The following RPRD2 variants were observed in gnomAD, a reference collection of about 807,000 sequenced individuals.
RPRD2 encodes regulation of nuclear pre-mRNA domain containing 2.
In RPRD2, 12 loss-of-function variants were observed where a neutral mutation model predicts 104.4. The observed-to-expected ratio is 0.11, with a 90% CI of 0.07 to 0.19. The LOEUF is 0.19. Among genes scored for constraint, RPRD2 ranks in the 10% least tolerant of loss-of-function variants. The pLI is 1.00. For missense variants in RPRD2, 1,543 were observed against 1,790.1 expected, an observed-to-expected ratio of 0.86 and a Z score of 2.49; for synonymous variants, 714 against 684.9, an observed-to-expected ratio of 1.04 and a Z score of -0.66.
intron 7 of RPRD2, among the ~76,000 whole-genome samples, chr1:150,450,352 A>C (rs1186880949): frequency 3.3e-5 from 5 of 151,970 alleles, no homozygotes; most frequent in Non-Finnish European, 5.9e-5. Context: ...CACGCCTGTA[A>C]TCCCAGCACT....
At chr1:150,396,987 T>G (rs1662580054) in intron 1 of RPRD2, among the ~76,000 whole-genome samples, 1 of 152,156 alleles carries the variant, frequency 6.6e-6, no homozygotes, top group Non-Finnish European at 1.5e-5. Flanking sequence ...TTTATTTTTA[T>G]TTTTGAGACA....
In RPRD2 at chr1:150,440,020, G is replaced by A. The variant is rs75270560; in HGVS notation, c.336-903G>A. Among the ~76,000 whole-genome samples the A allele has an allele frequency of 2.3e-3, 355 of 151,886 alleles. 2 individuals are homozygous for A. The highest frequency in any genetic ancestry group is 8.1e-3 in the African/African-American group (335 of 41,402). On this transcript the variant is annotated intron_variant, in intron 2 of 10. Coordinates refer to ENST00000369068, the MANE Select transcript of RPRD2 (RefSeq NM_015203.5). ...GCTCTGTGGCCCAGGCTGGGTTGCA[G>A]TGTTGTGATCACCAGTCAGTACAGT...
At chr1:150,407,034 G>A (rs1308920132) in intron 1 of RPRD2, among the ~76,000 whole-genome samples, 4 of 152,242 alleles carry the variant, frequency 2.6e-5, no homozygotes, top group South Asian at 4.1e-4. Context: ...TTGTAAGTTC[G>A]AATATGGTAT....
intron 1 of RPRD2, among the ~76,000 whole-genome samples, chr1:150,387,072 G>A (rs1167587926): frequency 3.3e-5 from 5 of 152,132 alleles, no homozygotes; most frequent in Admixed American, 1.3e-4. Context: ...ATGCATTCAT[G>A]ACATACCTAA....
At chr1:150,406,327 G>C (rs1333388458) in intron 1 of RPRD2, among the ~76,000 whole-genome samples, 1 of 152,186 alleles carries the variant, frequency 6.6e-6, no homozygotes, top group East Asian at 1.9e-4. Flanking sequence ...AGGGACTACT[G>C]TAATTGCCTT....
chr1:150,393,646 A>G (rs988203889), intron 1 of RPRD2, among the ~76,000 whole-genome samples: 5 of 152,114 alleles, frequency 3.3e-5, no homozygotes, highest in Non-Finnish European at 7.4e-5. Context: ...ATTTGGCATC[A>G]ATAGTAGTGG....
At chr1:150,365,012 A>G (rs1553876952) in intron 1 of RPRD2, 93 bp downstream of exon 1, 1 of 1,326,866 alleles carries the variant, frequency 7.5e-7, no homozygotes, top group Non-Finnish European at 1.0e-6. Context: ...GAGCCGCAGC[A>G]TTTGGTTGGG....
Position 150,471,012 on chromosome 1 carries a change from C to T in RPRD2, c.2064C>T (p.Asn688=), listed in dbSNP as rs1298484701. 5.6e-6 allele frequency: 9 copies of T among 1,613,922 alleles called. No homozygotes were observed. The highest frequency in any genetic ancestry group is 7.6e-6 in the Non-Finnish European group (9 of 1,179,908). ...GNPGFSGLNL[N]IPILSSLGSS... ...CTGGTTTCAGTGGCTTAAACTTAAA[C>T]ATCCCAATCCTGAGCAGTTTGGGGT... Residue 688 remains asparagine, a synonymous_variant, in exon 11 of 11, where the codon AAC becomes AAT. Transcript: ENST00000369068. This position sits in a 1 kb window ranked among gnomAD's most constrained non-coding sequence, Gnocchi z 5.3.
In RPRD2 at chr1:150,471,767, C is replaced by T; in HGVS notation, c.2819C>T (p.Pro940Leu). 6.2e-7 allele frequency: 1 copy of T among 1,613,936 alleles called. No individual in the cohort carries two copies. Among genetic ancestry groups the T allele is most frequent in the African/African-American group, 1.3e-5 (1 of 75,028 alleles). The change falls in exon 11 of 11, where the codon CCT becomes CTT. Residue 940 changes from proline (P) to leucine (L), a missense_variant. By Grantham distance (98) the Pro-to-Leu change is moderately conservative (BLOSUM62 -3). Transcript: ENST00000369068. This position sits in a 1 kb window ranked among gnomAD's most constrained non-coding sequence, Gnocchi z 5.3. ...AGTAAGAATGATTCATTTTTCACCC[C>T]TGACTCCAACCACAATAGCTTGTCT... is the stretch of plus-strand genomic sequence containing the variant. The part of the protein sequence containing the change: ...SPSKNDSFFT[P>L]DSNHNSLSQS...
At chr1:150,433,632 G>T (rs1665769120) in intron 2 of RPRD2, among the ~76,000 whole-genome samples, 1 of 148,410 alleles carries the variant, frequency 6.7e-6, no homozygotes, top group Non-Finnish European at 1.5e-5. Flanking sequence ...TTTTAGTAGA[G>T]ATGGGGTTTC....
chr1:150,465,535 G>C (rs183737468), intron 10 of RPRD2, among the ~76,000 whole-genome samples: 1 of 152,100 alleles, frequency 6.6e-6, no homozygotes, highest in Non-Finnish European at 1.5e-5. Context: ...AGGAAACTAA[G>C]GCTCAGTAAG....
intron 1 of RPRD2, among the ~76,000 whole-genome samples, chr1:150,401,100 C>T (rs995856392): frequency 2.0e-5 from 3 of 151,874 alleles, no homozygotes; most frequent in Non-Finnish European, 2.9e-5. Context: ...GGTGTGAACC[C>T]GGGAAGGTGG....
At chr1:150,402,672 A>G (rs1663134283) in intron 1 of RPRD2, among the ~76,000 whole-genome samples, 1 of 151,960 alleles carries the variant, frequency 6.6e-6, no homozygotes, top group African/African-American at 2.4e-5. Context: ...TGGCAAATCA[A>G]GATCCCCGTT....
intron 2 of RPRD2, among the ~76,000 whole-genome samples, chr1:150,420,716 C>T (rs1664704413): frequency 6.6e-6 from 1 of 152,124 alleles, no homozygotes; most frequent in Non-Finnish European, 1.5e-5. Flanking sequence ...ATCCCAGCTA[C>T]TCGGGAGGCT....
At chr1:150,458,145 T>C (rs1667669735) in intron 8 of RPRD2, among the ~76,000 whole-genome samples, 1 of 151,590 alleles carries the variant, frequency 6.6e-6, no homozygotes, top group Admixed American at 6.6e-5. Flanking sequence ...CAACTTGAGA[T>C]GTGCTATAAG....
At chr1:150,411,506 T>C (rs1663911568) in intron 1 of RPRD2, among the ~76,000 whole-genome samples, 1 of 116,208 alleles carries the variant, frequency 8.6e-6, no homozygotes, top group South Asian at 2.4e-4. Flanking sequence ...AAGAAGGCAG[T>C]ACACTAGGCG....
At position 150,370,081 on chromosome 1, in the gene RPRD2, C is replaced by CA. The variant is rs1424013003; in HGVS notation, c.205+5165dup. Among the ~76,000 whole-genome samples, 3 of 151,980 alleles carry CA rather than the reference C, an allele frequency of 2.0e-5. No homozygotes were observed. In the East Asian group the frequency reaches 5.8e-4, roughly 29 times the overall value. ...ACAGGCGTGAGCCACCACGCCCGGC[C>CA]AAATTTTTATGTTTTTTGTAGAGAC... On this transcript the variant is annotated intron_variant, in intron 1 of 10. Coordinates refer to ENST00000369068, the MANE Select transcript of RPRD2 (RefSeq NM_015203.5).
intron 1 of RPRD2, among the ~76,000 whole-genome samples, chr1:150,390,346 A>G (rs1254732688): frequency 6.6e-6 from 1 of 152,106 alleles, no homozygotes; most frequent in Non-Finnish European, 1.5e-5. Context: ...AATATTAAAA[A>G]ATTAGCCAGG....
At chr1:150,422,650 A>C (rs896686127) in intron 2 of RPRD2, among the ~76,000 whole-genome samples, 1 of 152,196 alleles carries the variant, frequency 6.6e-6, no homozygotes, top group Non-Finnish European at 1.5e-5. Flanking sequence ...CTTTTAAACC[A>C]GGACAGAAAT....
Sources: gnomAD v4.1 joint callset for allele counts (sites outside exome capture counted in the v4.1 genomes callset) on GRCh38, gnomAD v4.1.1 for gene constraint, Gnocchi (gnomAD v3.1) non-coding constraint, MANE v1.5 for transcripts, NCBI Gene and HGNC (gene_info 2026-07-23, HGNC 2026-07-21) for gene names.